The following PTPN4 variants were observed in gnomAD, a reference collection of about 807,000 sequenced individuals.
The protein encoded by PTPN4 is tyrosine-protein phosphatase non-receptor type 4.
Under a neutral mutation model 135.5 loss-of-function variants are expected in PTPN4, and 49 were observed. That is an observed-to-expected ratio of 0.36 (90% CI 0.29 to 0.46). The LOEUF (loss-of-function observed/expected upper bound fraction) is 0.46, where lower values mean the gene tolerates loss of function less well. Ranked by LOEUF, PTPN4 falls within the 20% of genes least tolerant of loss-of-function variation. PTPN4 has a pLI of 1.00. For synonymous variants in PTPN4, 333 were observed against 369.9 expected (o/e 0.90, Z 1.14); for missense variants, 860 against 1,101.0 (o/e 0.78, Z 3.10).
Position 119,946,321 on chromosome 2 carries a change from T to C in PTPN4, c.1516-20T>C, listed in dbSNP as rs768206888. The C allele has an allele frequency of 3.2e-6, 5 of 1,539,288 alleles. No individual in the cohort carries two copies. The highest frequency in any genetic ancestry group is 4.4e-6 in the Non-Finnish European group (5 of 1,131,392). ...TTTAAGTGAAGAAAATTACAAGTTA[T>C]TTAATTTTGTCTTTTTAAGCCTAAT... On this transcript the variant is annotated intron_variant, in intron 16 of 26. Transcript: ENST00000263708.
chr2:119,972,184 A>AAC (rs1553480920), intron 26 of PTPN4, among the ~76,000 whole-genome samples: 1 of 151,682 alleles, frequency 6.6e-6, no homozygotes, highest in Non-Finnish European at 1.5e-5. Flanking sequence ...ATAAAAAAAA[A>AAC]ACCAGCAACC....
intron 9 of PTPN4, among the ~76,000 whole-genome samples, chr2:119,899,816 A>C (rs1037454493): frequency 6.6e-6 from 1 of 152,084 alleles, no homozygotes; most frequent in Non-Finnish European, 1.5e-5. Context: ...GTTGCATTTG[A>C]CCATTTATGT....
At chr2:119,847,417 T>A (rs944876492) in intron 2 of PTPN4, among the ~76,000 whole-genome samples, 2 of 149,518 alleles carry the variant, frequency 1.3e-5, no homozygotes, top group Admixed American at 1.3e-4. Context: ...AACCTCCGCC[T>A]CCCAGGTTCA....
chr2:119,965,650 T>A lies in PTPN4; in HGVS notation c.2558+5T>A. ...ACCCGTTGTTGTCCATTGCAGGTACTCTGTTTTCCGTCTTTTATGAGTGTA... is the reference window on the plus strand; with the variant it reads ...ACCCGTTGTTGTCCATTGCAGGTACACTGTTTTCCGTCTTTTATGAGTGTA... On this transcript the variant is annotated splice_donor_5th_base_variant and intron_variant, in intron 25 of 26. Transcript: ENST00000263708. The A allele has an allele frequency of 6.2e-7, 1 of 1,611,212 alleles. No individual in the cohort carries two copies. Among genetic ancestry groups the A allele is most frequent in the Non-Finnish European group, 8.5e-7 (1 of 1,178,832 alleles).
chr2:119,923,646 TA>T (rs1678769774), intron 12 of PTPN4, among the ~76,000 whole-genome samples: 1 of 152,154 alleles, frequency 6.6e-6, no homozygotes, highest in South Asian at 2.1e-4. Context: ...TAATCCTGAT[TA>T]AAAAAATAAC....
chr2:119,910,451 T>C (rs1330445572), intron 10 of PTPN4, among the ~76,000 whole-genome samples: 6 of 152,252 alleles, frequency 3.9e-5, no homozygotes, highest in African/African-American at 1.2e-4. Context: ...GGGGATAGCA[T>C]TACAGACCCT....
intron 1 of PTPN4, among the ~76,000 whole-genome samples, chr2:119,793,382 T>C (rs529022636): frequency 1.8e-4 from 27 of 152,348 alleles, no homozygotes; most frequent in Admixed American, 7.2e-4. Context: ...CCTTGTCCCC[T>C]GAACATCGCT....
intron 2 of PTPN4, among the ~76,000 whole-genome samples, chr2:119,847,273 TATAC>T (rs1159639227): frequency 1.2e-4 from 10 of 82,712 alleles, no homozygotes; most frequent in South Asian, 3.7e-4. Flanking sequence ...AGATACTCTA[TATAC>T]ACACACACAC....
At chr2:119,766,470 GTGTGTGTGTGTGTC>G (rs1223230728) in intron 1 of PTPN4, among the ~76,000 whole-genome samples, 4,191 of 138,038 alleles carry the variant, frequency 0.03, 129 homozygotes, top group African/African-American at 0.091. Flanking sequence ...GTGTGTGTGT[GTGTGTGTGTGTGTC>G]TGTGTGTGTG....
In PTPN4 at chr2:119,980,016, T is replaced by C. The variant is rs1384610935; in HGVS notation, c.*2946T>C. ...TTTACATTCACCAGAAAATTGATAG[T>C]ATTTGTTAAACCAATGCATCCATTC... On this transcript the variant is annotated 3_prime_UTR_variant, in exon 27 of 27. Transcript: ENST00000263708. The C allele has an allele frequency of 6.6e-6, 1 of 152,126 alleles. No homozygotes were observed. Among genetic ancestry groups the C allele is most frequent in the African/African-American group, 2.4e-5 (1 of 41,446 alleles). 9.4% of individuals were successfully genotyped at this position (152,126 alleles called of 1,614,324 possible). A position where few individuals can be genotyped will look rare whatever the true frequency, so the allele number is the denominator to read the frequency against.
At chr2:119,806,222 A>G (rs1057386483) in intron 1 of PTPN4, among the ~76,000 whole-genome samples, 2 of 152,252 alleles carry the variant, frequency 1.3e-5, no homozygotes, top group Non-Finnish European at 1.5e-5. Context: ...AAATTCACAT[A>G]TAACAATATT....
At chr2:119,906,930 A>C in intron 10 of PTPN4, among the ~76,000 whole-genome samples, 1 of 152,244 alleles carries the variant, frequency 6.6e-6, no homozygotes, top group East Asian at 1.9e-4. Context: ...CTCCACTGAA[A>C]GTCTCTTAGA....
intron 2 of PTPN4, among the ~76,000 whole-genome samples, chr2:119,815,600 G>A (rs998728815): frequency 3.9e-5 from 6 of 152,058 alleles, no homozygotes; most frequent in African/African-American, 1.4e-4. Flanking sequence ...CCAGTTATTT[G>A]TAAAAAGTAA....
chr2:119,928,854 G>A (rs531827269), intron 13 of PTPN4, among the ~76,000 whole-genome samples: 15 of 152,132 alleles, frequency 9.9e-5, no homozygotes, highest in Admixed American at 3.3e-4. Context: ...GTACCAGATC[G>A]TAGGCATATT....
At chr2:119,881,716 TAC>T (rs1306517797) in intron 5 of PTPN4, 68 bp from the exon 6 acceptor site, 12 of 1,062,998 alleles carry the variant, frequency 1.1e-5, no homozygotes, top group Admixed American at 1.0e-4. Flanking sequence ...AATGTAAGTA[TAC>T]AGTTTCTTAG....
rs983265422 is a variant in PTPN4 at position 119,982,391 on chromosome 2, A to G, written c.*5321A>G. On this transcript the variant is annotated 3_prime_UTR_variant, in exon 27 of 27. Coordinates refer to ENST00000263708, the MANE Select transcript of PTPN4 (RefSeq NM_002830.4). The stretch of plus-strand genomic sequence containing the variant: ...TATGGCTTGATTCTAAGGATACTCT[A>G]TTTGTTTTAAAGTCTACACGGGATT... 4.6e-5 allele frequency: 7 copies of G among 152,106 alleles called. No homozygotes were observed. The highest frequency in any genetic ancestry group is 2.6e-4 in the Admixed American group (4 of 15,266). 9.4% of individuals were successfully genotyped at this position (152,106 alleles called of 1,614,324 possible).
At chr2:119,905,837 A>G (rs1234588917) in intron 10 of PTPN4, among the ~76,000 whole-genome samples, 1 of 152,194 alleles carries the variant, frequency 6.6e-6, no homozygotes, top group East Asian at 1.9e-4. Context: ...ATACATGGAA[A>G]TTAAACAACA....
chr2:119,764,537 A>C (rs1690571389), intron 1 of PTPN4, among the ~76,000 whole-genome samples: 1 of 152,170 alleles, frequency 6.6e-6, no homozygotes, highest in Non-Finnish European at 1.5e-5. Flanking sequence ...TTCTGGAAGA[A>C]TGCTGCTTAA....
chr2:119,920,158 A>T lies in PTPN4; in HGVS notation c.918A>T (p.Thr306=). The change falls in exon 12 of 27, where the codon ACA becomes ACT. Residue 306 remains threonine (T), a synonymous_variant. Coordinates refer to ENST00000263708, the MANE Select transcript of PTPN4 (RefSeq NM_002830.4). Reference sequence around the variant, plus strand: ...GGAAAGCATGTGTAGAACATCACACATTCTTCCGTTTGGACAGACCACTTC... The same window carrying T: ...GGAAAGCATGTGTAGAACATCACACTTTCTTCCGTTTGGACAGACCACTTC... The part of the protein sequence containing the change: ...NLWKACVEHH[T]FFRLDRPLPP... 6.2e-7 allele frequency: 1 copy of T among 1,613,660 alleles called. No homozygotes were observed. The highest frequency in any genetic ancestry group is 8.5e-7 in the Non-Finnish European group (1 of 1,179,820).
Sources: gnomAD v4.1 joint callset for allele counts (sites outside exome capture counted in the v4.1 genomes callset) on GRCh38, gnomAD v4.1.1 for gene constraint, MANE v1.5 for transcripts, NCBI Gene and HGNC (gene_info 2026-07-23, HGNC 2026-07-21) for gene names.